Variants in CEP128 observed in about 807,000 individuals in gnomAD.
The protein encoded by CEP128 is centrosomal protein 128, also known as centrosomal protein 128kDa.
A neutral mutation model predicts 156.7 loss-of-function variants in CEP128; 132 were observed. The observed-to-expected ratio is 0.84, with a 90% CI of 0.73 to 0.97. The LOEUF is 0.97. CEP128 is among the 50% of genes least tolerant of loss of function. The probability of loss-of-function intolerance (pLI) is 0.00; values close to 1 mark genes in which losing one functional copy is unlikely to be tolerated. For synonymous variants in CEP128, 469 were observed against 448.9 expected (o/e 1.04, Z -0.57); for missense variants, 1,252 against 1,281.9 (o/e 0.98, Z 0.36).
intron 19 of CEP128, among the ~76,000 whole-genome samples, chr14:80,618,998 A>T (rs1893348727): frequency 6.6e-6 from 1 of 152,216 alleles, no homozygotes; most frequent in Non-Finnish European, 1.5e-5. Context: ...CAGGGAGATG[A>T]TAAGAAACAC....
At chr14:80,905,925 A>C (rs775530592) in intron 5 of CEP128, 30 bp downstream of exon 5, 1 of 1,602,760 alleles carries the variant, frequency 6.2e-7, no homozygotes, top group Admixed American at 1.8e-5. Context: ...AAATATTTTT[A>C]ATGTTTTTCA....
chr14:80,510,840 A>G (rs1368764750), intron 23 of CEP128, among the ~76,000 whole-genome samples: 1 of 151,980 alleles, frequency 6.6e-6, no homozygotes, highest in Non-Finnish European at 1.5e-5. Context: ...TGTTTATCAA[A>G]TGCTTTTTCA....
At chr14:80,500,808 G>T (rs1887698642) in intron 24 of CEP128, among the ~76,000 whole-genome samples, 1 of 151,970 alleles carries the variant, frequency 6.6e-6, no homozygotes, top group African/African-American at 2.4e-5. Flanking sequence ...TCCCAATATA[G>T]TTACATATGA....
chr14:80,613,063 C>T (rs1190465263), intron 19 of CEP128, among the ~76,000 whole-genome samples: 3 of 146,412 alleles, frequency 2.0e-5, no homozygotes, highest in African/African-American at 7.6e-5. Context: ...ACCATGTTCT[C>T]CAGGCTGCTC....
At chr14:80,707,272 G>T (rs937701540) in intron 19 of CEP128, among the ~76,000 whole-genome samples, 3 of 152,118 alleles carry the variant, frequency 2.0e-5, no homozygotes, top group African/African-American at 4.8e-5. Flanking sequence ...ACTTTTGTAG[G>T]CTATGGTTCT....
intron 9 of CEP128, among the ~76,000 whole-genome samples, chr14:80,852,081 T>C (rs1368990948): frequency 6.6e-6 from 1 of 151,974 alleles, no homozygotes; most frequent in Non-Finnish European, 1.5e-5. Flanking sequence ...AATTTATATA[T>C]GTGTGTGTGT....
chr14:80,725,183 A>AT (rs201490130), intron 19 of CEP128, among the ~76,000 whole-genome samples: 5,185 of 137,052 alleles, frequency 0.038, 262 homozygotes, highest in African/African-American at 0.12. Context: ...TGTTTTCCCA[A>AT]TTTTTTTTTT....
chr14:80,561,279 T>C (rs754792037), intron 20 of CEP128, among the ~76,000 whole-genome samples: 1 of 152,208 alleles, frequency 6.6e-6, no homozygotes, highest in Non-Finnish European at 1.5e-5. Context: ...GTTGGCATAG[T>C]TAAGAGGGCC....
In CEP128 at chr14:80,833,506, G is replaced by A. The variant is rs977314418; in HGVS notation, c.1058-2212C>T. ...ATAAAATATAAACAGCATTACAAAC[G>A]CTCCATTTTGGAGAATGCTTGGTCA... On this transcript the variant is annotated intron_variant, in intron 12 of 24. Transcript: ENST00000555265. Among the ~76,000 whole-genome samples, 13 of 151,796 alleles carry A rather than the reference G, an allele frequency of 8.6e-5. No homozygotes were observed. In the East Asian group the frequency reaches 1.5e-3, roughly 18 times the overall value.
intron 19 of CEP128, among the ~76,000 whole-genome samples, chr14:80,647,886 T>G (rs569845323): frequency 6.6e-6 from 1 of 152,086 alleles, no homozygotes; most frequent in African/African-American, 2.4e-5. Context: ...GGGGGAGATA[T>G]TATGCCTGAT....
In CEP128 at chr14:80,831,195, C is replaced by T. The variant is rs1178742562; in HGVS notation, c.1157G>A (p.Arg386Gln). 2 of 1,613,960 alleles carry T rather than the reference C, an allele frequency of 1.2e-6. No individual in the cohort carries two copies. The highest frequency in any genetic ancestry group is 1.6e-4 in the Middle Eastern group (1 of 6,062). ...CTCCTTGTCTTTTCTCTCCATGCAC[C>T]GTTTCACTTCCTCTAACTCAGATGC... The part of the protein sequence containing the change: ...AMASELEEVK[R>Q]CMERKDKEKA... Residue 386 changes from arginine to glutamine, a missense_variant, in exon 13 of 25, where the codon CGG (arginine) becomes CAG (glutamine). Physicochemically the swap from Arg to Gln is conservative, Grantham distance 43. Coordinates refer to ENST00000555265, the MANE Select transcript of CEP128 (RefSeq NM_152446.5).
chr14:80,769,300 T>G (rs1370569216), intron 16 of CEP128, among the ~76,000 whole-genome samples: 1 of 152,140 alleles, frequency 6.6e-6, no homozygotes, highest in Admixed American at 6.6e-5. Context: ...TAATTATACT[T>G]TAAGTTCTAG....
At chr14:80,940,885 A>G (rs1216909392) in intron 1 of CEP128, among the ~76,000 whole-genome samples, 1 of 152,192 alleles carries the variant, frequency 6.6e-6, no homozygotes, top group Non-Finnish European at 1.5e-5. Flanking sequence ...AAAATAAACA[A>G]CAAATGCTGA....
In CEP128 at chr14:80,676,792, C is replaced by T. The variant is rs1248769817; in HGVS notation, c.2806+66283G>A. ...ATGCAATTATTACCATAATCATGTG[C>T]TGTTTCTCACTTAATTAATTAATGT... On this transcript the variant is annotated intron_variant, in intron 19 of 24. Transcript: ENST00000555265. Among the ~76,000 whole-genome samples the T allele has an allele frequency of 2.0e-5, 3 of 152,226 alleles. No individual in the cohort carries two copies. In the South Asian group the frequency reaches 6.2e-4, roughly 32 times the overall value.
At chr14:80,826,831 C>T (rs991607184) in intron 13 of CEP128, among the ~76,000 whole-genome samples, 6 of 151,734 alleles carry the variant, frequency 4.0e-5, no homozygotes, top group South Asian at 2.1e-4. Context: ...AGTAAGTTGA[C>T]GGAAGATGGA....
intron 20 of CEP128, among the ~76,000 whole-genome samples, chr14:80,567,428 G>A (rs1452660153): frequency 2.0e-5 from 3 of 152,054 alleles, no homozygotes; most frequent in African/African-American, 7.2e-5. Context: ...CAGCCTGAGC[G>A]GCAAGGTAGG....
intron 9 of CEP128, among the ~76,000 whole-genome samples, chr14:80,845,867 T>G (rs770954886): frequency 5.3e-5 from 8 of 152,154 alleles, no homozygotes; most frequent in Non-Finnish European, 1.0e-4. Context: ...TATAAACAGA[T>G]GGCCTAGCAT....
chr14:80,818,851 A>C (rs1194595655), intron 13 of CEP128, among the ~76,000 whole-genome samples: 7 of 152,382 alleles, frequency 4.6e-5, no homozygotes, highest in Admixed American at 4.6e-4. Context: ...TTCTATTTAA[A>C]GATATTTCAG....
At chr14:80,840,032 T>C (rs768228250) in intron 10 of CEP128, among the ~76,000 whole-genome samples, 1 of 152,118 alleles carries the variant, frequency 6.6e-6, no homozygotes, top group African/African-American at 2.4e-5. Context: ...TTACATGAGT[T>C]GGTGAAATAA....
Sources: allele counts gnomAD v4.1 joint callset (sites outside exome capture counted in the v4.1 genomes callset), GRCh38; gene constraint gnomAD v4.1.1; transcripts MANE v1.5; gene names NCBI Gene and HGNC (gene_info 2026-07-23, HGNC 2026-07-21).